RHOJ: variants seen among roughly 807,000 people sequenced by gnomAD.
RHOJ encodes rho-related GTP-binding protein RhoJ.
Under a neutral mutation model 23.4 loss-of-function variants are expected in RHOJ, and 11 were observed. The observed-to-expected ratio is 0.47, with a 90% CI of 0.30 to 0.78. The LOEUF (loss-of-function observed/expected upper bound fraction) is 0.78, where lower values mean the gene tolerates loss of function less well. Among genes scored for constraint, RHOJ ranks in the 30% least tolerant of loss-of-function variants. The pLI, the probability that RHOJ is intolerant of heterozygous loss-of-function variation, is 0.08. For missense variants in RHOJ, 254 were observed against 273.4 expected, an observed-to-expected ratio of 0.93 and a Z score of 0.50; for synonymous variants, 102 against 102.7, an observed-to-expected ratio of 0.99 and a Z score of 0.04.
At chr14:63,281,238 T>C in intron 3 of RHOJ, 103 bp downstream of exon 3, 2 of 1,125,822 alleles carry the variant, frequency 1.8e-6, no homozygotes, top group Non-Finnish European at 2.5e-6. Context: ...TGGAAGTGTG[T>C]CTCAGACATG....
intron 4 of RHOJ, chr14:63,284,253 A>G: frequency 2.0e-6 from 2 of 985,314 alleles, no homozygotes; most frequent in Non-Finnish European, 1.2e-6. Context: ...TGAATTAAAT[A>G]CAATCATGTT....
chr14:63,233,572 T>G (rs1042131280), intron 1 of RHOJ, among the ~76,000 whole-genome samples: 5 of 152,204 alleles, frequency 3.3e-5, no homozygotes, highest in Non-Finnish European at 5.9e-5. Flanking sequence ...AGAGAAAATT[T>G]TATTTCAAAT....
intron 1 of RHOJ, among the ~76,000 whole-genome samples, chr14:63,244,508 G>A (rs943326454): frequency 6.6e-6 from 1 of 152,102 alleles, no homozygotes; most frequent in Non-Finnish European, 1.5e-5. Context: ...AACTCGGGAG[G>A]CAAAGGTTGT....
chr14:63,244,316 C>T (rs190243939), intron 1 of RHOJ, among the ~76,000 whole-genome samples: 4 of 151,904 alleles, frequency 2.6e-5, no homozygotes, highest in African/African-American at 7.3e-5. Context: ...CATGTAATCC[C>T]AGCACTTTGG....
In RHOJ at chr14:63,267,425, C is replaced by T. The variant is rs890544286; in HGVS notation, c.179-1685C>T. Among the ~76,000 whole-genome samples, 8 of 152,340 alleles carry T rather than the reference C, an allele frequency of 5.3e-5. No homozygotes were observed. The East Asian group carries it at 1.3e-3, about 26-fold the overall frequency. On this transcript the variant is annotated intron_variant, in intron 1 of 4. Transcript: ENST00000316754. The stretch of plus-strand genomic sequence containing the variant: ...CTAGGAATCACTCCACAGATGGCCC[C>T]GGGCCTGTATGTCATGAGACAATCT...
intron 1 of RHOJ, among the ~76,000 whole-genome samples, chr14:63,225,675 G>A (rs2139741998): frequency 6.6e-6 from 1 of 152,204 alleles, no homozygotes; most frequent in Admixed American, 6.5e-5. Context: ...TTTTGAAAAG[G>A]ATGCCAAAAA....
At chr14:63,290,204 G>A (rs967111047) in intron 4 of RHOJ, among the ~76,000 whole-genome samples, 2 of 152,162 alleles carry the variant, frequency 1.3e-5, no homozygotes, top group African/African-American at 4.8e-5. Context: ...TGGTGCCACT[G>A]CACTCCAGCC....
intron 1 of RHOJ, among the ~76,000 whole-genome samples, chr14:63,264,663 C>T (rs1219122228): frequency 6.6e-6 from 1 of 152,210 alleles, no homozygotes; most frequent in East Asian, 1.9e-4. Context: ...TTTCCCTTTT[C>T]TCCACAGTCT....
chr14:63,218,712 T>C (rs989068496), intron 1 of RHOJ, among the ~76,000 whole-genome samples: 1 of 152,190 alleles, frequency 6.6e-6, no homozygotes, highest in African/African-American at 2.4e-5. Flanking sequence ...ACCAGGGTAA[T>C]CTAGAACTCA....
At chr14:63,288,991 T>A (rs1882167887) in intron 4 of RHOJ, among the ~76,000 whole-genome samples, 1 of 152,132 alleles carries the variant, frequency 6.6e-6, no homozygotes, top group African/African-American at 2.4e-5. Flanking sequence ...TGAACATGTA[T>A]CAAGAGACCC....
chr14:63,257,306 C>T (rs1431681354), intron 1 of RHOJ, among the ~76,000 whole-genome samples: 1 of 149,316 alleles, frequency 6.7e-6, no homozygotes, highest in East Asian at 2.1e-4. Context: ...CATCCCTGAC[C>T]CCTATCCACT....
At chr14:63,252,921 T>G (rs765994573) in intron 1 of RHOJ, among the ~76,000 whole-genome samples, 34 of 152,276 alleles carry the variant, frequency 2.2e-4, no homozygotes, top group Non-Finnish European at 4.3e-4. Context: ...TAGAAGCACC[T>G]CTTAAGAATA....
At chr14:63,221,033 A>G (rs893480585) in intron 1 of RHOJ, among the ~76,000 whole-genome samples, 2 of 152,134 alleles carry the variant, frequency 1.3e-5, no homozygotes, top group African/African-American at 4.8e-5. Context: ...GACGCCCTCT[A>G]AAACAGCTGC....
Position 63,204,851 on chromosome 14 carries a change from A to T in RHOJ, c.-19A>T. ...AGAAGCAATAGCAGCAGGAGTCCCC[A>T]GCAGCTGGAGCCGCAAGAATGAACT... On this transcript the variant is annotated 5_prime_UTR_variant, in exon 1 of 5. Coordinates refer to ENST00000316754, the MANE Select transcript of RHOJ (RefSeq NM_020663.5). The T allele has an allele frequency of 6.2e-7, 1 of 1,602,438 alleles. No homozygotes were observed. Among genetic ancestry groups the T allele is most frequent in the African/African-American group, 1.3e-5 (1 of 74,878 alleles).
chr14:63,282,286 GCACA>G (rs36227581), intron 3 of RHOJ, among the ~76,000 whole-genome samples: 10,315 of 133,194 alleles, frequency 0.077, 822 homozygotes, highest in African/African-American at 0.2. Context: ...ACAAACACAT[GCACA>G]CACACACACA....
chr14:63,288,929 T>C (rs1362302967), intron 4 of RHOJ, among the ~76,000 whole-genome samples: 1 of 152,240 alleles, frequency 6.6e-6, no homozygotes, highest in African/African-American at 2.4e-5. Flanking sequence ...TTGACCAGCT[T>C]CTTGCAGAGC....
At chr14:63,269,310 G>C in intron 2 of RHOJ, 142 bp downstream of exon 2, 1 of 538,858 alleles carries the variant, frequency 1.9e-6, no homozygotes, top group Non-Finnish European at 3.3e-6. Context: ...CCTAAATGAC[G>C]ACCAAAAGCA....
intron 1 of RHOJ, among the ~76,000 whole-genome samples, chr14:63,212,622 G>C (rs1240262454): frequency 6.6e-6 from 1 of 152,126 alleles, no homozygotes; most frequent in Non-Finnish European, 1.5e-5. Context: ...CTTTCAGAAA[G>C]GGAAGAATGG....
chr14:63,253,072 A>G (rs544416407), intron 1 of RHOJ, among the ~76,000 whole-genome samples: 16 of 152,194 alleles, frequency 1.1e-4, no homozygotes, highest in Non-Finnish European at 2.1e-4. Context: ...TGTTTATATC[A>G]CTTGCCTATT....
Sources: allele counts gnomAD v4.1 joint callset (sites outside exome capture counted in the v4.1 genomes callset), GRCh38; gene constraint gnomAD v4.1.1; transcripts MANE v1.5; gene names NCBI Gene and HGNC (gene_info 2026-07-23, HGNC 2026-07-21).